Variants in EYA1 observed in about 807,000 individuals in gnomAD.
EYA1 encodes protein phosphatase EYA1.
In EYA1, 16 loss-of-function variants were observed where a neutral mutation model predicts 82.0. That is an observed-to-expected ratio of 0.20 (90% CI 0.13 to 0.30). The LOEUF is 0.30. EYA1 is among the 10% of genes least tolerant of loss of function. The pLI is 1.00. For missense variants in EYA1, 633 were observed against 730.7 expected (o/e 0.87, Z 1.54); for synonymous variants, 261 against 264.4 (o/e 0.99, Z 0.12).
intron 2 of EYA1, among the ~76,000 whole-genome samples, chr8:71,387,179 G>A (rs564011137): frequency 6.6e-6 from 1 of 152,282 alleles, no homozygotes; most frequent in Non-Finnish European, 1.5e-5. Flanking sequence ...ACAGAGTAGG[G>A]AAAGCATGAC....
chr8:71,273,244 T>C (rs1397913604), intron 9 of EYA1, among the ~76,000 whole-genome samples: 2 of 152,252 alleles, frequency 1.3e-5, no homozygotes, highest in East Asian at 3.8e-4. Context: ...AAACTGGTCA[T>C]GTGATTCTCA....
At chr8:71,545,731 T>C (rs2129295265) in intron 1 of EYA1, among the ~76,000 whole-genome samples, 1 of 152,018 alleles carries the variant, frequency 6.6e-6, no homozygotes, top group Middle Eastern at 3.4e-3. Flanking sequence ...CCAGCTAATT[T>C]TTTGTATTTT....
At chr8:71,540,759 T>C (rs1322041070) in intron 1 of EYA1, among the ~76,000 whole-genome samples, 1 of 152,174 alleles carries the variant, frequency 6.6e-6, no homozygotes, top group Non-Finnish European at 1.5e-5. Context: ...GATGAAAGAA[T>C]ATTTTCATTA....
At chr8:71,362,091 A>T (rs2129079923), upstream of EYA1, 1 of 984,100 alleles carries the variant, frequency 1.0e-6, no homozygotes, top group East Asian at 1.1e-4. Flanking sequence ...AAGAAACAGC[A>T]GAATCTCATC....
At chr8:71,252,552 A>G (rs1057462673) in intron 11 of EYA1, among the ~76,000 whole-genome samples, 2 of 152,128 alleles carry the variant, frequency 1.3e-5, no homozygotes, top group Non-Finnish European at 2.9e-5. Flanking sequence ...AAGCTAATTT[A>G]GGTGGAAGTT....
chr8:71,526,537 G>T (rs567752275), intron 2 of EYA1, among the ~76,000 whole-genome samples: 7 of 152,288 alleles, frequency 4.6e-5, no homozygotes, highest in African/African-American at 1.7e-4. Context: ...TGCTGGGGCT[G>T]CAGTCATCTG....
chr8:71,234,426 T>C (rs1224824956), intron 12 of EYA1, among the ~76,000 whole-genome samples: 2 of 152,136 alleles, frequency 1.3e-5, no homozygotes, highest in Non-Finnish European at 2.9e-5. Flanking sequence ...TGTCTTCCAC[T>C]TCATTGACAT....
chr8:71,491,419 T>A (rs924187865), intron 2 of EYA1, among the ~76,000 whole-genome samples: 7 of 152,168 alleles, frequency 4.6e-5, no homozygotes, highest in African/African-American at 1.7e-4. Context: ...CTACACTGTG[T>A]CTCCCCAGAA....
chr8:71,398,917 G>A (rs942765941), intron 2 of EYA1, among the ~76,000 whole-genome samples: 4 of 152,192 alleles, frequency 2.6e-5, no homozygotes, highest in South Asian at 2.1e-4. Flanking sequence ...AGGTAGGCAG[G>A]CCTCCTTGAG....
chr8:71,415,452 C>T (rs192938719), intron 2 of EYA1, among the ~76,000 whole-genome samples: 100 of 152,286 alleles, frequency 6.6e-4, no homozygotes, highest in Admixed American at 1.6e-3. Context: ...AATGATACAA[C>T]GTGAGCTTAC....
chr8:71,546,952 G>T (rs1815663206), intron 1 of EYA1, among the ~76,000 whole-genome samples: 1 of 152,182 alleles, frequency 6.6e-6, no homozygotes, highest in Non-Finnish European at 1.5e-5. Flanking sequence ...CAAAAGTCTG[G>T]TGGGCCTTAA....
At chr8:71,425,290 A>AC (rs1164773392) in intron 2 of EYA1, among the ~76,000 whole-genome samples, 1 of 90,992 alleles carries the variant, frequency 1.1e-5, no homozygotes, top group Non-Finnish European at 3.0e-5. Flanking sequence ...TCCGTCTCAA[A>AC]GAAAAAAAAA....
At chr8:71,209,252 T>C (rs1808212248) in intron 17 of EYA1, among the ~76,000 whole-genome samples, 1 of 152,236 alleles carries the variant, frequency 6.6e-6, no homozygotes, top group African/African-American at 2.4e-5. Context: ...CTCTCCAGGA[T>C]TGTGTTTTGA....
At chr8:71,299,299 G>A in intron 8 of EYA1, 66 bp from the exon 9 acceptor site, 1 of 1,497,550 alleles carries the variant, frequency 6.7e-7, no homozygotes, top group Non-Finnish European at 9.3e-7. Flanking sequence ...ACATATCAAA[G>A]TGTAACTGTA....
chr8:71,504,247 AG>A (rs1812026675), intron 2 of EYA1, among the ~76,000 whole-genome samples: 1 of 152,244 alleles, frequency 6.6e-6, no homozygotes, highest in Non-Finnish European at 1.5e-5. Flanking sequence ...TACTGACTAT[AG>A]GGAAATACTT....
chr8:71,250,008 T>C (rs988798428), intron 11 of EYA1, among the ~76,000 whole-genome samples: 12 of 152,120 alleles, frequency 7.9e-5, no homozygotes, highest in African/African-American at 2.9e-4. Context: ...GCCTCCCTTA[T>C]TGTCATTGCC....
intron 2 of EYA1, among the ~76,000 whole-genome samples, chr8:71,517,011 C>T (rs1170262965): frequency 1.3e-5 from 2 of 152,086 alleles, no homozygotes. Context: ...CTGGAATTGT[C>T]CTGTTCCCTC....
intron 11 of EYA1, among the ~76,000 whole-genome samples, chr8:71,266,231 T>C (rs1815791864): frequency 6.6e-6 from 1 of 152,154 alleles, no homozygotes; most frequent in Admixed American, 6.5e-5. Context: ...ATGCTCCCCT[T>C]GACAATGCCC....
At chr8:71,233,397 T>C (rs1811448085) in intron 12 of EYA1, among the ~76,000 whole-genome samples, 1 of 151,946 alleles carries the variant, frequency 6.6e-6, no homozygotes, top group South Asian at 2.1e-4. Context: ...ACCCCGTCTC[T>C]ACTAAAAACA....
Sources: gnomAD v4.1 joint callset for allele counts (sites outside exome capture counted in the v4.1 genomes callset) on GRCh38, gnomAD v4.1.1 for gene constraint, MANE v1.5 for transcripts, NCBI Gene and HGNC (gene_info 2026-07-23, HGNC 2026-07-21) for gene names.